CTNNA3: variants seen among roughly 807,000 people sequenced by gnomAD.
The protein encoded by CTNNA3 is catenin alpha 3, also known as catenin alpha-3.
In CTNNA3, 76 loss-of-function variants were observed where a neutral mutation model predicts 95.7. The observed-to-expected ratio is 0.79, with a 90% CI of 0.66 to 0.96. The LOEUF is 0.96. Among genes scored for constraint, CTNNA3 ranks in the 40% least tolerant of loss-of-function variants. The pLI, the probability that CTNNA3 is intolerant of heterozygous loss-of-function variation, is 0.00. For synonymous variants in CTNNA3, 431 were observed against 374.4 expected (o/e 1.15, Z -1.74); for missense variants, 1,191 against 1,089.8 (o/e 1.09, Z -1.31).
At chr10:66,439,647 G>A (rs1224481127) in intron 11 of CTNNA3, among the ~76,000 whole-genome samples, 1 of 152,110 alleles carries the variant, frequency 6.6e-6, no homozygotes. Flanking sequence ...GACTATTTCA[G>A]AGGAATATCC....
intron 16 of CTNNA3, among the ~76,000 whole-genome samples, chr10:65,982,777 A>T (rs1020808580): frequency 2.0e-5 from 3 of 151,292 alleles, no homozygotes; most frequent in East Asian, 1.9e-4. Context: ...AAAAAAAATT[A>T]AAAAATTTCT....
intron 6 of CTNNA3, among the ~76,000 whole-genome samples, chr10:67,216,505 G>T (rs1426810401): frequency 6.6e-6 from 1 of 152,062 alleles, no homozygotes; most frequent in Non-Finnish European, 1.5e-5. Flanking sequence ...TCACAAAATG[G>T]CATGCCGTAT....
chr10:67,691,777 C>T (rs537323819), intron 1 of CTNNA3, among the ~76,000 whole-genome samples: 214 of 149,492 alleles, frequency 1.4e-3, no homozygotes, highest in Middle Eastern at 3.5e-3. Flanking sequence ...GTCAGCCCCC[C>T]GCCTGGCCAG....
chr10:67,283,543 C>T (rs150847207), intron 5 of CTNNA3, among the ~76,000 whole-genome samples: 5 of 152,168 alleles, frequency 3.3e-5, no homozygotes, highest in East Asian at 1.9e-4. Flanking sequence ...GATGGCCCAC[C>T]GCAAGGAAGA....
chr10:66,489,484 T>C (rs979592987), intron 11 of CTNNA3, among the ~76,000 whole-genome samples: 3 of 151,874 alleles, frequency 2.0e-5, no homozygotes, highest in Admixed American at 6.6e-5. Context: ...GGGGAGGAAA[T>C]TTAACGCTTA....
At chr10:66,450,471 A>C (rs2093456259) in intron 11 of CTNNA3, among the ~76,000 whole-genome samples, 1 of 152,068 alleles carries the variant, frequency 6.6e-6, no homozygotes, top group African/African-American at 2.4e-5. Context: ...ACAGCAAAAC[A>C]CTAAGCATTT....
chr10:67,582,257 TG>T (rs1362803802), intron 3 of CTNNA3, among the ~76,000 whole-genome samples: 5 of 135,016 alleles, frequency 3.7e-5, no homozygotes, highest in Non-Finnish European at 7.9e-5. Context: ...TAGTATGTTG[TG>T]TCTTTGTTCT....
At chr10:66,444,080 C>G (rs895799618) in intron 11 of CTNNA3, among the ~76,000 whole-genome samples, 16 of 151,922 alleles carry the variant, frequency 1.1e-4, no homozygotes, top group African/African-American at 2.4e-4. Flanking sequence ...ATCAGTGATG[C>G]AAGATGAAAT....
intron 7 of CTNNA3, among the ~76,000 whole-genome samples, chr10:66,859,551 C>A (rs957995836): frequency 3.8e-4 from 57 of 151,442 alleles, no homozygotes; most frequent in African/African-American, 6.3e-4. Flanking sequence ...AATAGGAACA[C>A]TTTTACACTG....
intron 7 of CTNNA3, among the ~76,000 whole-genome samples, chr10:66,840,368 TCTCTCACACACACACACA>T (rs1843021752): frequency 6.2e-5 from 5 of 80,274 alleles, no homozygotes; most frequent in Non-Finnish European, 1.1e-4. Context: ...TCTCTCTCTC[TCTCTCACACACACACACA>T]CACACACACA....
chr10:67,529,800 ATCT>A (rs1221534901), intron 4 of CTNNA3, among the ~76,000 whole-genome samples: 1 of 152,036 alleles, frequency 6.6e-6, no homozygotes, highest in Admixed American at 6.5e-5. Flanking sequence ...CTCCTCTTAT[ATCT>A]TGATGTGGTT....
intron 7 of CTNNA3, chr10:67,098,591 C>T (rs1309264235): frequency 6.6e-6 from 1 of 152,174 alleles, no homozygotes; most frequent in Non-Finnish European, 1.5e-5. Flanking sequence ...GAATGAATGA[C>T]TCATTATTTC....
intron 7 of CTNNA3, among the ~76,000 whole-genome samples, chr10:67,070,650 G>C (rs561170930): frequency 6.6e-6 from 1 of 152,080 alleles, no homozygotes; most frequent in East Asian, 1.9e-4. Context: ...GGGAGGCTGA[G>C]GCAGGGGAAT....
At chr10:67,120,622 T>C (rs562600161) in intron 7 of CTNNA3, among the ~76,000 whole-genome samples, 1 of 152,018 alleles carries the variant, frequency 6.6e-6, no homozygotes, top group Non-Finnish European at 1.5e-5. Context: ...AGACTCAATA[T>C]TTCAGGGCAC....
At chr10:67,041,181 C>G (rs189471609) in intron 7 of CTNNA3, among the ~76,000 whole-genome samples, 1 of 151,978 alleles carries the variant, frequency 6.6e-6, no homozygotes, top group Non-Finnish European at 1.5e-5. Flanking sequence ...TCTGCCAGAG[C>G]AAATAGTACT....
At chr10:67,211,181 G>A (rs993899938) in intron 6 of CTNNA3, among the ~76,000 whole-genome samples, 1 of 151,762 alleles carries the variant, frequency 6.6e-6, no homozygotes, top group African/African-American at 2.4e-5. Flanking sequence ...TTAACTGATG[G>A]TCATGAGACT....
At chr10:67,407,164 C>T (rs1015077209) in intron 5 of CTNNA3, among the ~76,000 whole-genome samples, 1 of 152,134 alleles carries the variant, frequency 6.6e-6, no homozygotes, top group African/African-American at 2.4e-5. Context: ...TACCAAAAAT[C>T]CTCAACAAAA....
At chr10:66,625,587 C>T (rs1254297683) in intron 9 of CTNNA3, among the ~76,000 whole-genome samples, 2 of 152,066 alleles carry the variant, frequency 1.3e-5, no homozygotes, top group African/African-American at 4.8e-5. Flanking sequence ...CGGGGTTTCG[C>T]CATGTTGGCT....
intron 13 of CTNNA3, among the ~76,000 whole-genome samples, chr10:66,146,637 A>G (rs1336988208): frequency 2.0e-5 from 3 of 152,172 alleles, no homozygotes; most frequent in African/African-American, 2.4e-5. Flanking sequence ...GGTCACTGCA[A>G]CCTCTGCCTC....
Sources: gnomAD v4.1 joint callset for allele counts (sites outside exome capture counted in the v4.1 genomes callset) on GRCh38, gnomAD v4.1.1 for gene constraint, MANE v1.5 for transcripts, NCBI Gene and HGNC (gene_info 2026-07-23, HGNC 2026-07-21) for gene names.